Variants in PTPN5 observed in about 807,000 individuals in gnomAD.
PTPN5 encodes protein tyrosine phosphatase non-receptor type 5, also known as tyrosine-protein phosphatase non-receptor type 5.
Under a neutral mutation model 73.9 loss-of-function variants are expected in PTPN5, and 29 were observed. That is an observed-to-expected ratio of 0.39 (90% CI 0.29 to 0.54). The LOEUF is 0.54. Ranked by LOEUF, PTPN5 falls within the 20% of genes least tolerant of loss-of-function variation. The pLI is 0.65. For missense variants in PTPN5, 652 were observed against 751.4 expected (o/e 0.87, Z 1.55); for synonymous variants, 267 against 304.7 (o/e 0.88, Z 1.29).
At chr11:18,751,608 G>A (rs1046099977) in intron 3 of PTPN5, among the ~76,000 whole-genome samples, 1 of 152,156 alleles carries the variant, frequency 6.6e-6, no homozygotes, top group Non-Finnish European at 1.5e-5. Flanking sequence ...AGTCCATCTC[G>A]GATGGTAAGC....
At position 18,733,495 on chromosome 11, in the gene PTPN5, A is replaced by G; in HGVS notation, c.1080+61T>C. On this transcript the variant is annotated intron_variant, in intron 10 of 14. Transcript: ENST00000358540. The surrounding 1 kb of genome is among the most constrained non-coding windows in gnomAD (Gnocchi z 4.3). ...ACTGGTGTAGGGACAAGGCTGGAGG[A>G]TGGATCCCATCGACTCAGGCCTCCC... The G allele has an allele frequency of 6.2e-7, 1 of 1,612,702 alleles. No homozygotes were observed. Among genetic ancestry groups the G allele is most frequent in the Non-Finnish European group, 8.5e-7 (1 of 1,178,868 alleles).
intron 1 of PTPN5, among the ~76,000 whole-genome samples, chr11:18,780,773 A>G (rs1362909877): frequency 6.6e-6 from 1 of 152,162 alleles, no homozygotes; most frequent in Non-Finnish European, 1.5e-5. Context: ...CAAGGGATAA[A>G]ACCCCCTCTT....
rs907452763 is a variant in PTPN5 at position 18,790,904 on chromosome 11, G to C, written c.-114+621C>G. On this transcript the variant is annotated intron_variant, in intron 1 of 14. Transcript: ENST00000358540. ...AAGTTCCCAGGATTCGTCTGGCCCT[G>C]ATCTTCTAAGCCCTGTGATCCTTGA... is the stretch of plus-strand genomic sequence containing the variant. Among the ~76,000 whole-genome samples, 7 of 152,188 alleles carry C rather than the reference G, an allele frequency of 4.6e-5. No homozygotes were observed. The East Asian group carries it at 5.8e-4, about 13-fold the overall frequency.
intron 3 of PTPN5, among the ~76,000 whole-genome samples, chr11:18,759,462 G>A (rs1850295460): frequency 6.6e-6 from 1 of 152,224 alleles, no homozygotes; most frequent in African/African-American, 2.4e-5. Context: ...GGCCTAGCTA[G>A]ATGGGCTCCA....
Position 18,733,783 on chromosome 11 carries a change from C to CAGCAAA in PTPN5, c.1001-149_1001-148insTTTGCT, listed in dbSNP as rs1465276274. On this transcript the variant is annotated intron_variant, in intron 9 of 14. Transcript: ENST00000358540. The surrounding 1 kb of genome is among the most constrained non-coding windows in gnomAD (Gnocchi z 4.3). ...CCCAGCAGCAAAACATTGACCCATT[C>CAGCAAA]ATGGTTCATTTTGTAGGTGAGGACT... 8.1e-6 allele frequency: 6 copies of CAGCAAA among 741,950 alleles called. No homozygotes were observed. In the African/African-American group the frequency reaches 1.0e-4, roughly 13 times the overall value. 46.0% of individuals were successfully genotyped at this position (741,950 alleles called of 1,614,324 possible).
upstream of PTPN5, chr11:18,792,450 C>T (rs1403817788): frequency 6.6e-6 from 1 of 152,428 alleles, no homozygotes; most frequent in Non-Finnish European, 1.5e-5. Flanking sequence ...CAGCCCCTCC[C>T]TCCACTGAGT....
intron 1 of PTPN5, among the ~76,000 whole-genome samples, chr11:18,777,989 A>AG (rs763767304): frequency 0.15 from 19,847 of 131,290 alleles, 1,458 homozygotes; most frequent in South Asian, 0.18. Flanking sequence ...AAAGAAAGAA[A>AG]GAAAGGAAGG....
At chr11:18,760,348 T>C (rs1012412495) in intron 3 of PTPN5, among the ~76,000 whole-genome samples, 2 of 152,204 alleles carry the variant, frequency 1.3e-5, no homozygotes, top group African/African-American at 4.8e-5. Flanking sequence ...AAAGCTTTCC[T>C]TGATTCAGGC....
intron 2 of PTPN5, among the ~76,000 whole-genome samples, chr11:18,767,588 T>C (rs115220132): frequency 0.014 from 2,175 of 152,312 alleles, 35 homozygotes; most frequent in African/African-American, 0.05. Flanking sequence ...CCAGTGCTTA[T>C]GGCACAGAAA....
At chr11:18,755,762 T>A (rs1034870541) in intron 3 of PTPN5, among the ~76,000 whole-genome samples, 1 of 152,058 alleles carries the variant, frequency 6.6e-6, no homozygotes, top group African/African-American at 2.4e-5. Context: ...TCCCAGCACT[T>A]TGGGAGGCCG....
Position 18,729,893 on chromosome 11 carries a change from T to A in PTPN5, c.1330-75A>T. ...TCACAAACCAGCCCAGAGATAGAGA[T>A]GAGATGGAAGGAGGAAGAACACAGG... On this transcript the variant is annotated intron_variant, in intron 12 of 14. Transcript: ENST00000358540. The surrounding 1 kb of genome is among the most constrained non-coding windows in gnomAD (Gnocchi z 5.2). 3 of 1,582,584 alleles carry A rather than the reference T, an allele frequency of 1.9e-6. No individual in the cohort carries two copies. The highest frequency in any genetic ancestry group is 2.6e-6 in the Non-Finnish European group (3 of 1,151,932).
chr11:18,729,725 C>A lies in PTPN5; in HGVS notation c.1423G>T (p.Val475Leu), dbSNP rs1247983972. 5.0e-6 allele frequency: 8 copies of A among 1,597,718 alleles called. No homozygotes were observed. Among genetic ancestry groups the A allele is most frequent in the Non-Finnish European group, 6.0e-6 (7 of 1,169,014 alleles). Residue 475 changes from valine (V) to leucine (L), a missense_variant, in exon 13 of 15, where the codon GTG becomes TTG. Val to Leu is a conservative substitution (Grantham distance 32). Around this residue, in one of 3 missense-constraint regions of PTPN5, gnomAD observed 102 missense variants for 160.5 expected, o/e 0.64. Transcript: ENST00000358540. The surrounding 1 kb of genome is among the most constrained non-coding windows in gnomAD (Gnocchi z 5.2). The stretch of plus-strand genomic sequence containing the variant: ...TGGGCTGCCTCCTCCACCTCCCGCA[C>A]CAGGTGCAGGAGTGGGGGGGCCCGG... Reference protein sequence around the residue: ...PDRAPPLLHLVREVEEAAQQE... With the variant: ...PDRAPPLLHLLREVEEAAQQE...
At chr11:18,775,188 TC>T (rs1851088152) in intron 1 of PTPN5, among the ~76,000 whole-genome samples, 2 of 152,190 alleles carry the variant, frequency 1.3e-5, no homozygotes, top group African/African-American at 4.8e-5. Flanking sequence ...TCACAGAACT[TC>T]CCCCATTGCC....
chr11:18,776,382 C>T (rs985313382), intron 1 of PTPN5, among the ~76,000 whole-genome samples: 1 of 152,042 alleles, frequency 6.6e-6, no homozygotes, highest in Non-Finnish European at 1.5e-5. Flanking sequence ...TCCCCAACTC[C>T]CTTAGGAAGA....
At chr11:18,788,146 G>T (rs933843673) in intron 1 of PTPN5, among the ~76,000 whole-genome samples, 3 of 152,108 alleles carry the variant, frequency 2.0e-5, no homozygotes, top group Non-Finnish European at 4.4e-5. Context: ...TGACACTGTG[G>T]CCTCTTGCAT....
At chr11:18,750,715 T>C (rs1312230043) in intron 3 of PTPN5, among the ~76,000 whole-genome samples, 1 of 152,196 alleles carries the variant, frequency 6.6e-6, no homozygotes, top group Non-Finnish European at 1.5e-5. Flanking sequence ...TGGAGCCAGG[T>C]ACATTGTCAG....
rs1272459990 is a variant in PTPN5 at position 18,733,662 on chromosome 11, T to G, written c.1001-27A>C. On this transcript the variant is annotated intron_variant, in intron 9 of 14. Coordinates refer to ENST00000358540, the MANE Select transcript of PTPN5 (RefSeq NM_006906.2). The surrounding 1 kb of genome is among the most constrained non-coding windows in gnomAD (Gnocchi z 4.3). ...TGGGGTGGTGGGAGACAAGTAAGGC[T>G]GGAAACTGGGCCCTCTGGTGCAGGA... 2 of 1,610,274 alleles carry G rather than the reference T, an allele frequency of 1.2e-6. No homozygotes were observed. The highest frequency in any genetic ancestry group is 1.1e-5 in the South Asian group (1 of 90,998).
chr11:18,730,847 C>T (rs1167022221), intron 12 of PTPN5: 1 of 152,250 alleles, frequency 6.6e-6, no homozygotes. Flanking sequence ...CTTCCAGACA[C>T]ACCTCCTGCC....
chr11:18,771,473 T>C (rs2134319621), intron 2 of PTPN5, among the ~76,000 whole-genome samples: 1 of 152,340 alleles, frequency 6.6e-6, no homozygotes, highest in East Asian at 1.9e-4. Flanking sequence ...CATATGTCCC[T>C]TTGTCTCTTA....
Sources: allele counts gnomAD v4.1 joint callset (sites outside exome capture counted in the v4.1 genomes callset), GRCh38; gene constraint gnomAD v4.1.1; regional missense constraint gnomAD v4.1.1; non-coding constraint Gnocchi (gnomAD v3.1); transcripts MANE v1.5; gene names NCBI Gene and HGNC (gene_info 2026-07-23, HGNC 2026-07-21).